The following PLXDC1 variants were observed in gnomAD, a reference collection of about 807,000 sequenced individuals.
PLXDC1 encodes the protein plexin domain-containing protein 1.
Under a neutral mutation model 61.3 loss-of-function variants are expected in PLXDC1, and 39 were observed. The observed-to-expected ratio is 0.64, with a 90% confidence interval of 0.49 to 0.83. PLXDC1 has a LOEUF of 0.83. Ranked by LOEUF, PLXDC1 falls within the 40% of genes least tolerant of loss-of-function variation. The pLI, the probability that PLXDC1 is intolerant of heterozygous loss-of-function variation, is 0.00. For missense variants in PLXDC1, 596 were observed against 666.5 expected (o/e 0.89, Z 1.17); for synonymous variants, 212 against 254.5 (o/e 0.83, Z 1.59).
intron 7 of PLXDC1, among the ~76,000 whole-genome samples, chr17:39,101,063 T>C (rs1271829854): frequency 6.6e-6 from 1 of 152,218 alleles, no homozygotes; most frequent in Non-Finnish European, 1.5e-5. Context: ...CCCCATGGCA[T>C]GGAGCAAGGG....
chr17:39,115,123 G>A (rs556113576), intron 2 of PLXDC1, among the ~76,000 whole-genome samples: 7 of 152,038 alleles, frequency 4.6e-5, no homozygotes, highest in East Asian at 3.9e-4. Context: ...CCTGTGTCAC[G>A]TGCCTCAGCT....
chr17:39,086,167 C>T (rs1909733755), intron 8 of PLXDC1, among the ~76,000 whole-genome samples: 2 of 152,214 alleles, frequency 1.3e-5, no homozygotes, highest in African/African-American at 2.4e-5. Flanking sequence ...GCAGTTTTAT[C>T]CACATCATAG....
intron 7 of PLXDC1, among the ~76,000 whole-genome samples, chr17:39,089,514 CTCT>C (rs1416055703): frequency 7.2e-5 from 11 of 152,336 alleles, no homozygotes; most frequent in African/African-American, 2.6e-4. Flanking sequence ...CACTATTCAG[CTCT>C]TCTTTTGGTT....
intron 2 of PLXDC1, among the ~76,000 whole-genome samples, chr17:39,128,552 T>A (rs949630574): frequency 1.5e-4 from 23 of 151,438 alleles, no homozygotes; most frequent in Non-Finnish European, 2.9e-4. Flanking sequence ...AAATAACAAG[T>A]GTTGGCGAGG....
At chr17:39,120,109 G>A (rs1029524271) in intron 2 of PLXDC1, among the ~76,000 whole-genome samples, 2 of 152,134 alleles carry the variant, frequency 1.3e-5, no homozygotes, top group African/African-American at 2.4e-5. Context: ...TGACAGGCAC[G>A]GGTTAAATCA....
At chr17:39,072,401 TC>T in intron 12 of PLXDC1, 48 bp downstream of exon 12, 1 of 1,397,128 alleles carries the variant, frequency 7.2e-7, no homozygotes, top group Non-Finnish European at 9.9e-7. Flanking sequence ...CTGGGGTGGG[TC>T]CAAGAGGCGC....
rs374014433 is a variant in PLXDC1, at chr17:39,079,177, C to G, written c.990-13G>C. On this transcript the variant is annotated splice_polypyrimidine_tract_variant and intron_variant, in intron 9 of 13. Transcript: ENST00000315392. ...GCCACTGGAGCATCTGCAGGAGGAC[C>G]AAAAGGACAGAGTTATGATGGGATT... 3.1e-6 allele frequency: 5 copies of G among 1,610,742 alleles called. No individual in the cohort carries two copies. The highest frequency in any genetic ancestry group is 4.2e-6 in the Non-Finnish European group (5 of 1,177,090).
chr17:39,098,908 T>C (rs1032756591), intron 7 of PLXDC1, among the ~76,000 whole-genome samples: 5 of 152,150 alleles, frequency 3.3e-5, no homozygotes, highest in East Asian at 1.9e-4. Flanking sequence ...GCCTGCGTGG[T>C]TGACTGCACC....
chr17:39,111,434 G>T (rs558000717), intron 2 of PLXDC1, among the ~76,000 whole-genome samples: 2 of 152,176 alleles, frequency 1.3e-5, no homozygotes, highest in Non-Finnish European at 2.9e-5. Context: ...ACAGGCACAC[G>T]CCTCCACGCC....
intron 6 of PLXDC1, among the ~76,000 whole-genome samples, chr17:39,106,708 G>A (rs2143662542): frequency 7.0e-6 from 1 of 143,104 alleles, no homozygotes; most frequent in Non-Finnish European, 1.5e-5. Context: ...GGAGTGCAGT[G>A]GCACGATCTC....
intron 8 of PLXDC1, among the ~76,000 whole-genome samples, chr17:39,084,670 T>G (rs1419405842): frequency 1.3e-5 from 2 of 151,636 alleles, no homozygotes; most frequent in African/African-American, 2.4e-5. Context: ...CTGCACAGAG[T>G]GAAGGGGCTG....
chr17:39,117,678 G>A (rs1911022209), intron 2 of PLXDC1, among the ~76,000 whole-genome samples: 1 of 152,164 alleles, frequency 6.6e-6, no homozygotes, highest in African/African-American at 2.4e-5. Flanking sequence ...AGGGATCAAA[G>A]CTGCAGTAAG....
intron 7 of PLXDC1, among the ~76,000 whole-genome samples, chr17:39,100,154 A>G (rs1910370385): frequency 1.3e-5 from 2 of 152,088 alleles, no homozygotes; most frequent in African/African-American, 4.8e-5. Flanking sequence ...AATCCTGCCA[A>G]ACCACATGAA....
chr17:39,111,904 C>G (rs1041993064), intron 2 of PLXDC1: 1 of 152,262 alleles, frequency 6.6e-6, no homozygotes, highest in African/African-American at 2.4e-5. Context: ...GCTCTGCCCA[C>G]AGGCACTGAA....
chr17:39,146,480 C>T (rs893299960), intron 1 of PLXDC1, among the ~76,000 whole-genome samples: 18 of 151,930 alleles, frequency 1.2e-4, no homozygotes, highest in African/African-American at 4.1e-4. Context: ...AGTTCGAGAC[C>T]AGACTGGACA....
intron 7 of PLXDC1, among the ~76,000 whole-genome samples, chr17:39,099,664 G>A (rs1418494839): frequency 6.6e-6 from 1 of 152,284 alleles, no homozygotes; most frequent in East Asian, 1.9e-4. Context: ...ATCTGGACTT[G>A]AATTCTTCCT....
At chr17:39,134,057 A>T (rs905417921) in intron 2 of PLXDC1, among the ~76,000 whole-genome samples, 1 of 151,964 alleles carries the variant, frequency 6.6e-6, no homozygotes, top group Non-Finnish European at 1.5e-5. Context: ...GGAGATCAAG[A>T]CCATCCTGGC....
intron 11 of PLXDC1, among the ~76,000 whole-genome samples, chr17:39,075,040 G>A (rs1909271196): frequency 6.6e-6 from 1 of 152,028 alleles, no homozygotes; most frequent in Non-Finnish European, 1.5e-5. Flanking sequence ...GCTCACTGCA[G>A]CCTCAACCTC....
At chr17:39,099,380 ACT>A (rs1269651217) in intron 7 of PLXDC1, among the ~76,000 whole-genome samples, 1 of 150,994 alleles carries the variant, frequency 6.6e-6, no homozygotes, top group Non-Finnish European at 1.5e-5. Context: ...GTTTCCTGAG[ACT>A]CTGCCTGGAA....
Sources: allele counts gnomAD v4.1 joint callset (sites outside exome capture counted in the v4.1 genomes callset), GRCh38; gene constraint gnomAD v4.1.1; transcripts MANE v1.5; gene names NCBI Gene and HGNC (gene_info 2026-07-23, HGNC 2026-07-21).